SYNE1: variants seen among roughly 807,000 people sequenced by gnomAD.
SYNE1 encodes the protein spectrin repeat containing nuclear envelope protein 1.
A neutral mutation model predicts 1,111.0 loss-of-function variants in SYNE1; 616 were observed. That is an observed-to-expected ratio of 0.55 (90% CI 0.52 to 0.59). SYNE1 has a LOEUF of 0.59. SYNE1 is among the 20% of genes least tolerant of loss of function. SYNE1 has a pLI of 0.00. For missense variants in SYNE1, 10,006 were observed against 10,417.0 expected, an observed-to-expected ratio of 0.96 and a Z score of 1.72; for synonymous variants, 3,855 against 3,825.8, an observed-to-expected ratio of 1.01 and a Z score of -0.28.
intron 87 of SYNE1, among the ~76,000 whole-genome samples, chr6:152,312,093 C>T (rs948607355): frequency 2.6e-5 from 4 of 151,922 alleles, no homozygotes; most frequent in African/African-American, 9.7e-5. Flanking sequence ...CGGCGATAGA[C>T]TTTTTTTAAT....
intron 77 of SYNE1, 95 bp from the exon 78 acceptor site, chr6:152,331,985 T>C (rs1011851721): frequency 1.5e-5 from 23 of 1,561,470 alleles, no homozygotes; most frequent in Admixed American, 5.0e-5. Context: ...CATTTTCTTT[T>C]TGGAGACTGA....
intron 87 of SYNE1, 99 bp downstream of exon 87, chr6:152,316,750 A>G (rs2095734379): frequency 6.8e-7 from 1 of 1,473,528 alleles, no homozygotes. Flanking sequence ...GGTAGCTCCA[A>G]AAATTTTACA....
At chr6:152,216,971 G>A (rs910374271) in intron 121 of SYNE1, among the ~76,000 whole-genome samples, 6 of 151,508 alleles carry the variant, frequency 4.0e-5, no homozygotes, top group African/African-American at 1.5e-4. Flanking sequence ...GCTGAGGCAG[G>A]AGAATTGCTT....
At position 152,325,287 on chromosome 6, in the gene SYNE1, C is replaced by T; in HGVS notation, c.15454G>A (p.Val5152Ile). The T allele has an allele frequency of 1.2e-6, 2 of 1,614,132 alleles. No individual in the cohort carries two copies. The highest frequency in any genetic ancestry group is 1.1e-5 in the South Asian group (1 of 91,080). Residue 5152 changes from valine to isoleucine, a missense_variant, in exon 81 of 146, where the codon GTT becomes ATT. Coordinates refer to ENST00000367255, the MANE Select transcript of SYNE1 (RefSeq NM_182961.4). ...ACAATTTTCTCATGGAAAGAGTTAA[C>T]CACTGACACTAAAGCCTAGGGTTGG... Reference protein sequence around the residue: ...LSEHKALVSVVNSFHEKIVAL... With the variant: ...LSEHKALVSVINSFHEKIVAL...
At chr6:152,449,743 T>C in intron 27 of SYNE1, 102 bp from the exon 28 acceptor site, 2 of 924,184 alleles carry the variant, frequency 2.2e-6, no homozygotes, top group Non-Finnish European at 3.5e-6. Context: ...AACAATTAAG[T>C]GATTACCAAA....
intron 24 of SYNE1, 150 bp from the exon 25 acceptor site, chr6:152,453,870 G>T (rs2098672605): frequency 2.3e-6 from 2 of 861,382 alleles, no homozygotes; most frequent in Non-Finnish European, 3.8e-6. Context: ...TTTTAAGGAT[G>T]AACTATGTGC....
chr6:152,450,412 C>A (rs2098637879), intron 27 of SYNE1, among the ~76,000 whole-genome samples: 1 of 152,206 alleles, frequency 6.6e-6, no homozygotes, highest in Non-Finnish European at 1.5e-5. Flanking sequence ...GATTGGCCAA[C>A]TTTGCCTCAA....
chr6:152,289,905 C>T lies in SYNE1; in HGVS notation c.18012+3683G>A, dbSNP rs551202390. 2.6e-3 allele frequency among the ~76,000 whole-genome samples: 385 copies of T among 148,710 alleles called. 1 individual carries two copies. The highest frequency in any genetic ancestry group is 7.8e-3 in the African/African-American group (317 of 40,416). ...CCTCCCAAAGTGCTGGGATTACAGGCATGAGCTACCGCGCCCAGCCTTTTT... is the reference window on the plus strand; with the variant it reads ...CCTCCCAAAGTGCTGGGATTACAGGTATGAGCTACCGCGCCCAGCCTTTTT... On this transcript the variant is annotated intron_variant, in intron 95 of 145. Transcript: ENST00000367255.
intron 3 of SYNE1, among the ~76,000 whole-genome samples, chr6:152,569,085 C>T (rs1157672682): frequency 6.6e-6 from 1 of 152,140 alleles, no homozygotes; most frequent in Non-Finnish European, 1.5e-5. Flanking sequence ...ATCAGTGGTC[C>T]TTAAAGTGCC....
chr6:152,331,400 C>CAGAG lies in SYNE1; in HGVS notation c.13281_13284dup (p.Asp4429LeufsTer2). 6.2e-7 allele frequency: 1 copy of CAGAG among 1,614,164 alleles called. No homozygotes were observed. The highest frequency in any genetic ancestry group is 2.2e-5 in the East Asian group (1 of 44,882). ...AGACAATTCACGTGGCTTTGTGCAT[C>CAGAG]AGAGAGAGCCTTCTGGATGACCTGT... On this transcript the variant is annotated frameshift_variant, in exon 78 of 146. Coordinates refer to ENST00000367255, the MANE Select transcript of SYNE1 (RefSeq NM_182961.4). LOFTEE classifies it high-confidence loss of function.
At chr6:152,247,746 T>C (rs1368608932) in intron 105 of SYNE1, among the ~76,000 whole-genome samples, 39 of 92,188 alleles carry the variant, frequency 4.2e-4, no homozygotes, top group Non-Finnish European at 5.3e-4. Flanking sequence ...TATATATATA[T>C]ATATACACAC....
At chr6:152,302,218 G>T in intron 91 of SYNE1, 155 bp from the exon 92 acceptor site, 2 of 992,080 alleles carry the variant, frequency 2.0e-6, no homozygotes, top group Non-Finnish European at 1.5e-6. Context: ...CCTGCATCTC[G>T]CTACCGAGCC....
chr6:152,624,739 T>G (rs2128945514), intron 3 of SYNE1, among the ~76,000 whole-genome samples: 1 of 152,292 alleles, frequency 6.6e-6, no homozygotes, highest in Admixed American at 6.5e-5. Context: ...GCCTAAAACA[T>G]TATGCTCAAA....
At chr6:152,497,370 C>A (rs12215935) in intron 11 of SYNE1, among the ~76,000 whole-genome samples, 23,412 of 152,120 alleles carry the variant, frequency 0.15, 2,108 homozygotes, top group East Asian at 0.46. Flanking sequence ...AATTAAGGTA[C>A]ATGTTTTATT....
At chr6:152,300,853 C>A in intron 92 of SYNE1, 72 bp from the exon 93 acceptor site, 2 of 1,605,596 alleles carry the variant, frequency 1.2e-6, no homozygotes. Context: ...TGTTCAGGCA[C>A]AGGCCAAAAC....
At chr6:152,247,319 A>G (rs1562480990) in intron 105 of SYNE1, among the ~76,000 whole-genome samples, 1 of 152,184 alleles carries the variant, frequency 6.6e-6, no homozygotes, top group Non-Finnish European at 1.5e-5. Context: ...CCATTTATTC[A>G]AAGAAAAAAA....
intron 137 of SYNE1, 200 bp from the exon 138 acceptor site, chr6:152,143,965 T>G: frequency 1.4e-6 from 1 of 705,616 alleles, no homozygotes; most frequent in Admixed American, 2.3e-5. Flanking sequence ...GGTGCTTGAC[T>G]GAGAGCCCTA....
In SYNE1 at chr6:152,201,888, T is replaced by A; in HGVS notation, c.23081A>T (p.Lys7694Met). ...ATCCGGGAGAGACTGCGAAAGCTTCTTTTTGAAAGTTCGTAGTTTCTCCAG... is the reference window on the plus strand; with the variant it reads ...ATCCGGGAGAGACTGCGAAAGCTTCATTTTGAAAGTTCGTAGTTTCTCCAG... The part of the protein sequence containing the change: ...DSLEKLRTFK[K>M]KLSQSLPDHH... The change falls in exon 127 of 146, where the codon AAG becomes ATG. Residue 7694 changes from lysine to methionine, a missense_variant. By Grantham distance (95) the Lys-to-Met change is moderately conservative (BLOSUM62 -1). Coordinates refer to ENST00000367255, the MANE Select transcript of SYNE1 (RefSeq NM_182961.4). 6.2e-7 allele frequency: 1 copy of A among 1,614,004 alleles called. No homozygotes were observed. Among genetic ancestry groups the A allele is most frequent in the Middle Eastern group, 1.7e-4 (1 of 6,054 alleles).
At chr6:152,528,255 C>T (rs751209296) in intron 4 of SYNE1, among the ~76,000 whole-genome samples, 1 of 152,184 alleles carries the variant, frequency 6.6e-6, no homozygotes, top group Non-Finnish European at 1.5e-5. Flanking sequence ...CTTTGTCAAA[C>T]ATGTGGCAGG....
Sources: allele counts gnomAD v4.1 joint callset (sites outside exome capture counted in the v4.1 genomes callset), GRCh38; gene constraint gnomAD v4.1.1; transcripts MANE v1.5; gene names NCBI Gene and HGNC (gene_info 2026-07-23, HGNC 2026-07-21).